The following TCP11L2 variants were observed in gnomAD, a reference collection of about 807,000 sequenced individuals.
The protein encoded by TCP11L2 is T-complex protein 11-like protein 2.
TCP11L2 carries 39 observed loss-of-function variants against 50.7 expected under a neutral mutation model. The ratio of observed to expected loss-of-function variants is 0.77; its 90% confidence interval spans 0.60 to 1.01. TCP11L2 has a LOEUF of 1.01. Among genes scored for constraint, TCP11L2 ranks in the 50% least tolerant of loss-of-function variants. The pLI, the probability that TCP11L2 is intolerant of heterozygous loss-of-function variation, is 0.00. For synonymous variants in TCP11L2, 192 were observed against 219.3 expected (o/e 0.88, Z 1.10); for missense variants, 612 against 614.7 (o/e 1.00, Z 0.05).
chr12:106,333,561 G>T (rs916860303), intron 6 of TCP11L2, among the ~76,000 whole-genome samples: 1 of 152,002 alleles, frequency 6.6e-6, no homozygotes, highest in Non-Finnish European at 1.5e-5. Flanking sequence ...AGTTGCACAG[G>T]TATATAGAAT....
Position 106,314,358 on chromosome 12 carries a change from C to T in TCP11L2, c.158C>T (p.Ser53Leu), listed in dbSNP as rs201726760. The change falls in exon 3 of 10, where the codon TCA becomes TTA. Residue 53 changes from serine (S) to leucine (L), a missense_variant and splice_region_variant. Ser to Leu is a moderately radical substitution (Grantham distance 145). Transcript: ENST00000299045. The stretch of plus-strand genomic sequence containing the variant: ...TAACTGGCTTTTGTTTTTCTTTCAG[C>T]AACAAGCCCTCCAAGGGTTGTAACA... The part of the protein sequence containing the change: ...DSSSKSSSPA[S>L]TSPPRVVTFD... The T allele has an allele frequency of 1.3e-6, 2 of 1,596,366 alleles. No individual in the cohort carries two copies. Among genetic ancestry groups the T allele is most frequent in the Non-Finnish European group, 1.7e-6 (2 of 1,166,398 alleles).
At chr12:106,327,963 G>A (rs2035616189) in intron 6 of TCP11L2, among the ~76,000 whole-genome samples, 2 of 152,324 alleles carry the variant, frequency 1.3e-5, no homozygotes, top group East Asian at 1.9e-4. Context: ...AAAATAGCAA[G>A]AGATTATCCC....
chr12:106,327,566 A>T (rs1248803996), intron 6 of TCP11L2, among the ~76,000 whole-genome samples: 1 of 152,210 alleles, frequency 6.6e-6, no homozygotes, highest in East Asian at 1.9e-4. Context: ...AGATTTAAGA[A>T]TAGAGCAAAC....
At chr12:106,325,529 C>T (rs146517919) in intron 6 of TCP11L2, 2 of 152,326 alleles carry the variant, frequency 1.3e-5, no homozygotes, top group Non-Finnish European at 2.9e-5. Context: ...CCAACTTGAC[C>T]ATTGGATTTG....
intron 1 of TCP11L2, among the ~76,000 whole-genome samples, chr12:106,305,470 C>T (rs1424193761): frequency 6.6e-6 from 1 of 152,134 alleles, no homozygotes; most frequent in Non-Finnish European, 1.5e-5. Flanking sequence ...TCATCGCTTC[C>T]ACCAGCAGCT....
chr12:106,303,426 C>T (rs1040103946), intron 1 of TCP11L2: 2 of 152,366 alleles, frequency 1.3e-5, no homozygotes, highest in Admixed American at 1.3e-4. Context: ...CCGCCGTCCC[C>T]TCCCCCAAGG....
upstream of TCP11L2, among the ~76,000 whole-genome samples, chr12:106,299,073 C>A (rs926331196): frequency 1.3e-5 from 2 of 152,144 alleles, no homozygotes; most frequent in African/African-American, 4.8e-5. Context: ...ACCTCAGCCT[C>A]CCAAAGTGCT....
chr12:106,314,357 G>T lies in TCP11L2; in HGVS notation c.158-1G>T. 1.9e-6 allele frequency: 3 copies of T among 1,594,666 alleles called. No homozygotes were observed. The highest frequency in any genetic ancestry group is 2.6e-6 in the Non-Finnish European group (3 of 1,165,356). The stretch of plus-strand genomic sequence containing the variant: ...TTAACTGGCTTTTGTTTTTCTTTCA[G>T]CAACAAGCCCTCCAAGGGTTGTAAC... On this transcript the variant is annotated splice_acceptor_variant, in intron 2 of 9. Coordinates refer to ENST00000299045, the MANE Select transcript of TCP11L2 (RefSeq NM_152772.3). LOFTEE classifies it high-confidence loss of function.
intron 1 of TCP11L2, among the ~76,000 whole-genome samples, chr12:106,308,524 A>C (rs11832175): frequency 0.038 from 5,848 of 152,322 alleles, 401 homozygotes; most frequent in African/African-American, 0.13. Context: ...CTCTTATTCA[A>C]TTTCACTTGG....
chr12:106,323,621 C>T lies in TCP11L2; in HGVS notation c.747C>T (p.Phe249=), dbSNP rs746952367. 6.3e-7 allele frequency: 1 copy of T among 1,599,530 alleles called. No homozygotes were observed. Among genetic ancestry groups the T allele is most frequent in the South Asian group, 1.1e-5 (1 of 88,458 alleles). ...RQLVEYERTK[F]QEILEETPSA... is the part of the protein sequence containing the mutation. Reference sequence around the variant, plus strand: ...TGGTGGAATATGAGAGAACCAAGTTCCAGGAAATTTTGGAAGAAACTCCAA... The same window carrying T: ...TGGTGGAATATGAGAGAACCAAGTTTCAGGAAATTTTGGAAGAAACTCCAA... The change falls in exon 6 of 10, where the codon TTC becomes TTT. Residue 249 remains phenylalanine (F), a synonymous_variant. Transcript: ENST00000299045.
chr12:106,344,527 T>C (rs2036177921), intron 9 of TCP11L2, among the ~76,000 whole-genome samples: 1 of 152,060 alleles, frequency 6.6e-6, no homozygotes, highest in Admixed American at 6.5e-5. Flanking sequence ...AGAGATGAGA[T>C]GAAATGAGAT....
At chr12:106,335,163 T>G (rs78683309) in intron 6 of TCP11L2, among the ~76,000 whole-genome samples, 1,811 of 152,290 alleles carry the variant, frequency 0.012, 30 homozygotes, top group East Asian at 0.048. Context: ...CTATTTTCTC[T>G]TCAGATTGTA....
chr12:106,339,214 T>C (rs1043525376), intron 8 of TCP11L2, among the ~76,000 whole-genome samples: 6 of 152,226 alleles, frequency 3.9e-5, no homozygotes, highest in African/African-American at 1.4e-4. Flanking sequence ...GGTTTTGATT[T>C]GCATTTCTCT....
At position 106,340,843 on chromosome 12, in the gene TCP11L2, A is replaced by C; in HGVS notation, c.1160A>C (p.Glu387Ala). 1 of 1,597,116 alleles carries C rather than the reference A, an allele frequency of 6.3e-7. No individual in the cohort carries two copies. Among genetic ancestry groups the C allele is most frequent in the Non-Finnish European group, 8.5e-7 (1 of 1,175,514 alleles). Reference protein sequence around the residue: ...GMNKETFNLKEVLNSIGIQTC... With the variant: ...GMNKETFNLKAVLNSIGIQTC... Reference sequence around the variant, plus strand: ...TTTCATAGGACCTTTAACTTGAAGGAAGTCCTGAATTCTATTGGTATTCAG... The same window carrying C: ...TTTCATAGGACCTTTAACTTGAAGGCAGTCCTGAATTCTATTGGTATTCAG... The change falls in exon 9 of 10, where the codon GAA becomes GCA. Residue 387 changes from glutamate to alanine, a missense_variant. Physicochemically the swap from Glu to Ala is moderately radical, Grantham distance 107 (BLOSUM62 -1). Coordinates refer to ENST00000299045, the MANE Select transcript of TCP11L2 (RefSeq NM_152772.3).
chr12:106,302,422 A>G (rs1391634742), upstream of TCP11L2, among the ~76,000 whole-genome samples: 49 of 92,904 alleles, frequency 5.3e-4, 2 homozygotes, highest in South Asian at 1.2e-3. Flanking sequence ...CCGCTCCCCC[A>G]CTCGGCCCCG....
At chr12:106,332,360 G>A (rs373708263) in intron 6 of TCP11L2, among the ~76,000 whole-genome samples, 1 of 152,018 alleles carries the variant, frequency 6.6e-6, no homozygotes, top group Non-Finnish European at 1.5e-5. Context: ...ATAAATATTC[G>A]TAGCAGCCTT....
At chr12:106,299,367 T>C (rs1435874320), upstream of TCP11L2, among the ~76,000 whole-genome samples, 2 of 152,150 alleles carry the variant, frequency 1.3e-5, no homozygotes, top group Non-Finnish European at 2.9e-5. Flanking sequence ...AAATAATTGA[T>C]TGGCACTTAG....
At chr12:106,332,661 G>T (rs1435296297) in intron 6 of TCP11L2, among the ~76,000 whole-genome samples, 2 of 152,206 alleles carry the variant, frequency 1.3e-5, no homozygotes, top group Admixed American at 6.5e-5. Context: ...AGCTGATTTG[G>T]TTCCTGATGA....
At chr12:106,318,510 G>A (rs771498505) in intron 4 of TCP11L2, 46 bp downstream of exon 4, 3 of 1,606,620 alleles carry the variant, frequency 1.9e-6, no homozygotes, top group African/African-American at 2.7e-5. Context: ...TACTCCAGGT[G>A]GGCTGCTATA....
Sources: gnomAD v4.1 joint callset for allele counts (sites outside exome capture counted in the v4.1 genomes callset) on GRCh38, gnomAD v4.1.1 for gene constraint, MANE v1.5 for transcripts, NCBI Gene and HGNC (gene_info 2026-07-23, HGNC 2026-07-21) for gene names.